Variants in SLC45A4 observed in about 807,000 individuals in gnomAD.
SLC45A4 encodes solute carrier family 45 member 4.
Under a neutral mutation model 63.7 loss-of-function variants are expected in SLC45A4, and 32 were observed. The observed-to-expected ratio is 0.50, with a 90% CI of 0.38 to 0.67. SLC45A4 has a LOEUF of 0.67. Ranked by LOEUF, SLC45A4 falls within the 30% of genes least tolerant of loss-of-function variation. The pLI is 0.00. For synonymous variants in SLC45A4, 535 were observed against 510.0 expected, an observed-to-expected ratio of 1.05 and a Z score of -0.66; for missense variants, 1,027 against 1,157.7, an observed-to-expected ratio of 0.89 and a Z score of 1.64.
rs546338164 is a variant in SLC45A4, at chr8:141,238,640, G to T, written c.241+15349C>A. On this transcript the variant is annotated intron_variant, in intron 2 of 8. Coordinates refer to ENST00000517878, the MANE Select transcript of SLC45A4 (RefSeq NM_001286646.2). ...ACCGCATCTCCCCCTGGCCCCTGGA[G>T]GGCAGCAGGCTCCAAGCTCTCCAGC... Among the ~76,000 whole-genome samples, 27 of 152,262 alleles carry T rather than the reference G, an allele frequency of 1.8e-4. No individual in the cohort carries two copies. In the East Asian group the frequency reaches 5.2e-3, roughly 29 times the overall value.
At chr8:141,236,142 G>C (rs1373993125) in intron 2 of SLC45A4, among the ~76,000 whole-genome samples, 1 of 152,132 alleles carries the variant, frequency 6.6e-6, no homozygotes, top group Non-Finnish European at 1.5e-5. Flanking sequence ...GTGAGTGCCT[G>C]GATTCTCCCC....
chr8:141,243,623 C>A (rs1462601935), intron 2 of SLC45A4, among the ~76,000 whole-genome samples: 1 of 152,072 alleles, frequency 6.6e-6, no homozygotes, highest in African/African-American at 2.4e-5. Context: ...CCAGCCTGGG[C>A]GACAGAGACC....
intron 1 of SLC45A4, among the ~76,000 whole-genome samples, chr8:141,269,935 GT>G (rs1180495703): frequency 6.6e-6 from 1 of 152,144 alleles, no homozygotes; most frequent in Non-Finnish European, 1.5e-5. Flanking sequence ...AGGCAGCCCA[GT>G]GTGCATGCCC....
chr8:141,211,345 A>T lies in SLC45A4; in HGVS notation c.*227T>A. 7.3e-7 allele frequency: 1 copy of T among 1,365,714 alleles called. No homozygotes were observed. Among genetic ancestry groups the T allele is most frequent in the Non-Finnish European group, 9.8e-7 (1 of 1,016,740 alleles). The allele number at this position is 1,365,714 out of a possible 1,614,324, so 84.6% of individuals were successfully genotyped here. A position where few individuals can be genotyped will look rare whatever the true frequency, so the allele number is the denominator to read the frequency against. On this transcript the variant is annotated 3_prime_UTR_variant, in exon 9 of 9. Transcript: ENST00000517878. ...CACATGGCTGGGCGCAGACACACTCACACGCGCACGCAGGAGCTCGTCTGG... is the reference window on the plus strand; with the variant it reads ...CACATGGCTGGGCGCAGACACACTCTCACGCGCACGCAGGAGCTCGTCTGG...
At chr8:141,219,076 C>T (rs1232879236) in intron 4 of SLC45A4, 47 bp from the exon 5 acceptor site, 4 of 1,576,160 alleles carry the variant, frequency 2.5e-6, no homozygotes, top group Middle Eastern at 1.7e-4. Context: ...CACCAGGCCA[C>T]AGGGGGGGAA....
At chr8:141,253,758 G>A (rs1468316514) in intron 2 of SLC45A4, among the ~76,000 whole-genome samples, 2 of 152,142 alleles carry the variant, frequency 1.3e-5, no homozygotes, top group Non-Finnish European at 2.9e-5. Flanking sequence ...CTACCACTTT[G>A]CCAAAACTGT....
At chr8:141,280,912 G>C (rs997196500) in intron 1 of SLC45A4, among the ~76,000 whole-genome samples, 3 of 152,234 alleles carry the variant, frequency 2.0e-5, no homozygotes, top group Non-Finnish European at 4.4e-5. Context: ...TGAGGTCTCC[G>C]CAAGACCGGG....
intron 2 of SLC45A4, among the ~76,000 whole-genome samples, chr8:141,239,574 GCACA>G (rs56366558): frequency 0.14 from 20,191 of 144,196 alleles, 1,666 homozygotes; most frequent in East Asian, 0.31. Flanking sequence ...CAGGAGCAAA[GCACA>G]CACACACACA....
At chr8:141,283,170 A>G (rs1415078397) in intron 1 of SLC45A4, among the ~76,000 whole-genome samples, 1 of 152,234 alleles carries the variant, frequency 6.6e-6, no homozygotes, top group Non-Finnish European at 1.5e-5. Context: ...CACGAACATG[A>G]GATTCCTCAA....
chr8:141,238,381 G>A (rs1055841915), intron 2 of SLC45A4, among the ~76,000 whole-genome samples: 2 of 152,056 alleles, frequency 1.3e-5, no homozygotes, highest in African/African-American at 2.4e-5. Context: ...GGCGGTGAGC[G>A]CACTTAGACT....
At chr8:141,263,446 A>AAATG (rs1345438726) in intron 1 of SLC45A4, among the ~76,000 whole-genome samples, 3 of 151,954 alleles carry the variant, frequency 2.0e-5, no homozygotes, top group African/African-American at 7.2e-5. Flanking sequence ...ATAAATAAAT[A>AAATG]AATAAAGTTT....
At chr8:141,290,393 A>C (rs1830304597) in intron 1 of SLC45A4, among the ~76,000 whole-genome samples, 1 of 152,184 alleles carries the variant, frequency 6.6e-6, no homozygotes, top group South Asian at 2.1e-4. Context: ...AACGCTGCCA[A>C]GTCTTATCTC....
rs201726078 is a variant in SLC45A4, at chr8:141,215,882, G to A, written c.1818C>T (p.Ala606=). Residue 606 remains alanine (A), a synonymous_variant, in exon 7 of 9, where the codon GCC becomes GCT. Transcript: ENST00000517878. The surrounding 1 kb of genome is among the most constrained non-coding windows in gnomAD (Gnocchi z 4.3). The part of the protein sequence containing the change: ...LGTLGFSVGT[A]VMAMFPNVYV... ...AGACGTTGGGAAACATGGCCATCAC[G>A]GCTGTGCCGACAGAGAAGCCCAGCG... 3.8e-5 allele frequency: 62 copies of A among 1,614,176 alleles called. No individual in the cohort carries two copies. The highest frequency in any genetic ancestry group is 1.5e-4 in the African/African-American group (11 of 75,054).
In SLC45A4 at chr8:141,229,107, G is replaced by T. The variant is rs1827200917; in HGVS notation, c.242-7342C>A. Among the ~76,000 whole-genome samples the T allele has an allele frequency of 6.6e-6, 1 of 152,104 alleles. No homozygotes were observed. The highest frequency in any genetic ancestry group is 2.4e-5 in the African/African-American group (1 of 41,416). On this transcript the variant is annotated intron_variant, in intron 2 of 8. Transcript: ENST00000517878. This position sits in a 1 kb window ranked among gnomAD's most constrained non-coding sequence, Gnocchi z 5.0. The stretch of plus-strand genomic sequence containing the variant: ...AGTACTTTACCTTCCCCCCTTACCT[G>T]ACATTCAATAACTGCTTAGTGCCCT...
rs967438397 is a variant in SLC45A4 at position 141,211,250 on chromosome 8, T to G, written c.*322A>C. ...GTGAAAGTCAACGTTTCCTTCCCCCTGACGTTGGGAGCGGTCTGGAGGGGC... is the reference window on the plus strand; with the variant it reads ...GTGAAAGTCAACGTTTCCTTCCCCCGGACGTTGGGAGCGGTCTGGAGGGGC... On this transcript the variant is annotated 3_prime_UTR_variant, in exon 9 of 9. Coordinates refer to ENST00000517878, the MANE Select transcript of SLC45A4 (RefSeq NM_001286646.2). 233 of 464,244 alleles carry G rather than the reference T, an allele frequency of 5.0e-4. 3 individuals are homozygous for G. The East Asian group carries it at 8.1e-3, about 16-fold the overall frequency. The allele number at this position is 464,244 out of a possible 1,614,324, so 28.8% of individuals were successfully genotyped here.
At chr8:141,231,282 G>A (rs1427801384) in intron 2 of SLC45A4, among the ~76,000 whole-genome samples, 6 of 152,182 alleles carry the variant, frequency 3.9e-5, no homozygotes, top group South Asian at 2.1e-4. Context: ...GGCCCCTCGC[G>A]CCAGAGGCAG....
intron 1 of SLC45A4, among the ~76,000 whole-genome samples, chr8:141,265,724 G>A (rs992046730): frequency 6.6e-5 from 10 of 152,268 alleles, no homozygotes; most frequent in Non-Finnish European, 1.0e-4. Context: ...CTTAAAATGC[G>A]GAGAAGCTCA....
intron 1 of SLC45A4, among the ~76,000 whole-genome samples, chr8:141,302,321 G>A (rs529261362): frequency 4.6e-5 from 7 of 152,064 alleles, no homozygotes; most frequent in South Asian, 2.1e-4. Flanking sequence ...GTGAAGTGGC[G>A]CAATCTTGGC....
intron 1 of SLC45A4, among the ~76,000 whole-genome samples, chr8:141,289,917 G>C (rs1406189138): frequency 6.6e-6 from 1 of 151,884 alleles, no homozygotes; most frequent in African/African-American, 2.4e-5. Context: ...CAGCCCTACA[G>C]CTTCAGATCC....
Sources: gnomAD v4.1 joint callset for allele counts (sites outside exome capture counted in the v4.1 genomes callset) on GRCh38, gnomAD v4.1.1 for gene constraint, Gnocchi (gnomAD v3.1) non-coding constraint, MANE v1.5 for transcripts, NCBI Gene and HGNC (gene_info 2026-07-23, HGNC 2026-07-21) for gene names.